Variants in REDIC1 observed in about 807,000 individuals in gnomAD.
REDIC1 encodes the protein HEI10 Interacting Protein 1.
the REDIC1 span, among the ~76,000 whole-genome samples, chr12:39,882,380 C>T: frequency 6.6e-6 from 1 of 152,196 alleles, no homozygotes; most frequent in Non-Finnish European, 1.5e-5. Context: ...CCATCACGTT[C>T]ATCATTCTCA....
At chr12:39,697,598 G>A in the REDIC1 span, among the ~76,000 whole-genome samples, 1 of 152,148 alleles carries the variant, frequency 6.6e-6, no homozygotes, top group Non-Finnish European at 1.5e-5. Context: ...ACAACAGAGA[G>A]TTAAAAAGCA....
the REDIC1 span, among the ~76,000 whole-genome samples, chr12:39,805,132 A>AAGGGC: frequency 0.18 from 26,661 of 152,024 alleles, 2,470 homozygotes; most frequent in South Asian, 0.3. Context: ...GGAAGACAGC[A>AAGGGC]AGGGCAGGCC....
the REDIC1 span, among the ~76,000 whole-genome samples, chr12:39,763,156 C>T: frequency 6.6e-6 from 1 of 151,814 alleles, no homozygotes; most frequent in Non-Finnish European, 1.5e-5. Flanking sequence ...ATGAATTTAT[C>T]GAAAAATTTT....
At chr12:39,700,980 T>A in the REDIC1 span, among the ~76,000 whole-genome samples, 1 of 151,804 alleles carries the variant, frequency 6.6e-6, no homozygotes, top group African/African-American at 2.4e-5. Flanking sequence ...CACTGCAAAA[T>A]CATGCCAAAA....
At chr12:39,898,512 A>G in the REDIC1 span, among the ~76,000 whole-genome samples, 4 of 152,108 alleles carry the variant, frequency 2.6e-5, no homozygotes, top group East Asian at 7.7e-4. Flanking sequence ...TCCCCCCTCT[A>G]TCATTGAACA....
the REDIC1 span, chr12:39,647,692 C>T: frequency 2.2e-5 from 19 of 878,252 alleles, no homozygotes; most frequent in East Asian, 5.7e-4. Context: ...CTTTTGTAAC[C>T]CCTGCCCTTT....
chr12:39,741,510 G>A, the REDIC1 span, among the ~76,000 whole-genome samples: 3 of 152,334 alleles, frequency 2.0e-5, no homozygotes, highest in Admixed American at 6.5e-5. Flanking sequence ...AGGGTAGAGA[G>A]ATGTTAACGG....
the REDIC1 span, chr12:39,683,112 TTAC>T: frequency 1.2e-6 from 2 of 1,607,690 alleles, no homozygotes; most frequent in Non-Finnish European, 1.7e-6. Flanking sequence ...TTGAGAACGA[TTAC>T]TACCCAAGCA....
the REDIC1 span, among the ~76,000 whole-genome samples, chr12:39,863,224 T>C: frequency 6.6e-6 from 1 of 152,148 alleles, no homozygotes. Flanking sequence ...ATACCTTACA[T>C]CATAAGGATT....
chr12:39,805,025 A>AGAGAAGCCTGCTGGAAG, the REDIC1 span, among the ~76,000 whole-genome samples: 1 of 147,776 alleles, frequency 6.8e-6, no homozygotes, highest in African/African-American at 2.5e-5. Flanking sequence ...CCTGCTGGAG[A>AGAGAAGCCTGCTGGAAG]GAGAAGCCTG....
At chr12:39,906,844 G>A in the REDIC1 span, among the ~76,000 whole-genome samples, 2 of 152,048 alleles carry the variant, frequency 1.3e-5, no homozygotes, top group African/African-American at 2.4e-5. Flanking sequence ...AATATCCCTT[G>A]AAGTATGAAA....
chr12:39,645,462 C>T, the REDIC1 span, among the ~76,000 whole-genome samples: 1 of 151,994 alleles, frequency 6.6e-6, no homozygotes, highest in East Asian at 1.9e-4. Context: ...TATCAAGATT[C>T]TTTTTCACTT....
the REDIC1 span, among the ~76,000 whole-genome samples, chr12:39,719,917 T>G: frequency 1.3e-5 from 2 of 152,142 alleles, no homozygotes; most frequent in Non-Finnish European, 2.9e-5. Flanking sequence ...CTACTAGCTA[T>G]TTTGAAATAT....
chr12:39,696,901 AAAAG>A, the REDIC1 span, among the ~76,000 whole-genome samples: 1 of 152,096 alleles, frequency 6.6e-6, no homozygotes, highest in Non-Finnish European at 1.5e-5. Context: ...GAAAAAATAA[AAAAG>A]AATGAAGTAT....
At chr12:39,894,365 A>AATATCAC in the REDIC1 span, among the ~76,000 whole-genome samples, 85 of 152,230 alleles carry the variant, frequency 5.6e-4, no homozygotes, top group Non-Finnish European at 1.1e-3. Context: ...TTAAAAGTAG[A>AATATCAC]ATATCACAAC....
the REDIC1 span, among the ~76,000 whole-genome samples, chr12:39,712,115 T>A: frequency 3.5e-5 from 5 of 142,682 alleles, no homozygotes; most frequent in African/African-American, 1.3e-4. Context: ...TATATATACC[T>A]GTATATATAC....
chr12:39,888,271 C>G, the REDIC1 span, among the ~76,000 whole-genome samples: 11 of 152,176 alleles, frequency 7.2e-5, no homozygotes, highest in Admixed American at 6.6e-4. Flanking sequence ...GTCACCCAGG[C>G]TGGAGTGCAG....
chr12:39,769,570 G>A, the REDIC1 span, among the ~76,000 whole-genome samples: 12 of 151,912 alleles, frequency 7.9e-5, no homozygotes, highest in Admixed American at 3.9e-4. Flanking sequence ...TCCTCCCTCC[G>A]GTGGTACAAG....
chr12:39,695,914 T>G, the REDIC1 span, among the ~76,000 whole-genome samples: 6 of 152,210 alleles, frequency 3.9e-5, no homozygotes, highest in African/African-American at 1.4e-4. Flanking sequence ...AGAGAGAGAC[T>G]GTTCATTTGG....
Sources: allele counts gnomAD v4.1 joint callset (sites outside exome capture counted in the v4.1 genomes callset), GRCh38; gene constraint gnomAD v4.1.1; transcripts MANE v1.5; gene names NCBI Gene and HGNC (gene_info 2026-07-23, HGNC 2026-07-21).